Variants in IL7 observed in about 807,000 individuals in gnomAD.
IL7 encodes the protein interleukin-7.
IL7 carries 3 observed loss-of-function variants against 21.6 expected under a neutral mutation model. The ratio of observed to expected loss-of-function variants is 0.14; its 90% CI spans 0.06 to 0.36. The LOEUF (loss-of-function observed/expected upper bound fraction) is 0.36. Ranked by LOEUF, IL7 falls within the 10% of genes least tolerant of loss-of-function variation. The probability of loss-of-function intolerance (pLI) is 1.00; values close to 1 mark genes in which losing one functional copy is unlikely to be tolerated. For missense variants in IL7, 175 were observed against 200.2 expected, an observed-to-expected ratio of 0.87 and a Z score of 0.76; for synonymous variants, 62 against 68.1, an observed-to-expected ratio of 0.91 and a Z score of 0.44.
At chr8:78,791,416 G>A (rs1813690472) in intron 2 of IL7, among the ~76,000 whole-genome samples, 1 of 152,200 alleles carries the variant, frequency 6.6e-6, no homozygotes, top group Non-Finnish European at 1.5e-5. Flanking sequence ...GAAGCAGGCA[G>A]ATCACTTGAG....
intron 2 of IL7, among the ~76,000 whole-genome samples, chr8:78,791,536 A>T (rs1217830557): frequency 6.6e-6 from 1 of 152,204 alleles, no homozygotes; most frequent in Non-Finnish European, 1.5e-5. Flanking sequence ...GCTACTTGGT[A>T]GGCAGAAGCA....
chr8:78,721,760 G>A (rs1389169275), intron 3 of IL7, among the ~76,000 whole-genome samples: 2 of 151,604 alleles, frequency 1.3e-5, no homozygotes, highest in Non-Finnish European at 2.9e-5. Context: ...TGAAAAGGTC[G>A]ATTAAATTTA....
chr8:78,762,480 G>T (rs1812602261), intron 2 of IL7: 1 of 1,443,018 alleles, frequency 6.9e-7, no homozygotes, highest in Non-Finnish European at 9.2e-7. Flanking sequence ...CGCCTCCTCA[G>T]GGCAGTCCGC....
intron 3 of IL7, chr8:78,689,496 T>A (rs1463746449): frequency 1.2e-6 from 1 of 823,154 alleles, no homozygotes; most frequent in Non-Finnish European, 1.7e-6. Context: ...AGATATATAG[T>A]TTTATATATC....
intron 3 of IL7, among the ~76,000 whole-genome samples, chr8:78,710,901 G>T (rs2130601125): frequency 6.6e-6 from 1 of 152,114 alleles, no homozygotes; most frequent in South Asian, 2.1e-4. Context: ...GCTACTGAAA[G>T]AAGACAAAAA....
At chr8:78,784,131 G>A (rs1005485427) in intron 2 of IL7, among the ~76,000 whole-genome samples, 1 of 152,142 alleles carries the variant, frequency 6.6e-6, no homozygotes, top group Non-Finnish European at 1.5e-5. Context: ...ATGTGTTGTC[G>A]TTAGAAAGTG....
downstream of IL7, among the ~76,000 whole-genome samples, chr8:78,716,691 G>T (rs1017896447): frequency 6.6e-6 from 1 of 152,014 alleles, no homozygotes; most frequent in Non-Finnish European, 1.5e-5. Flanking sequence ...TAAATTCCTA[G>T]CACAAAGAAC....
intron 3 of IL7, chr8:78,698,397 T>C (rs1040699106): frequency 3.1e-6 from 5 of 1,591,584 alleles, no homozygotes; most frequent in Non-Finnish European, 4.3e-6. Flanking sequence ...TTAAAAATAA[T>C]GCTTTTTTAT....
In IL7 at chr8:78,763,841, A is replaced by AGG. The variant is rs1812661178; in HGVS notation, c.148-23760_148-23759insCC. Among the ~76,000 whole-genome samples, 3 of 152,236 alleles carry AGG rather than the reference A, an allele frequency of 2.0e-5. No homozygotes were observed. In the East Asian group the frequency reaches 5.8e-4, roughly 29 times the overall value. ...CAACTCATTCTATAAGGCCAGCATT[A>AGG]CCCTAATATCAAAAATCAAAGACAC... On this transcript the variant is annotated intron_variant, in intron 2 of 5. Transcript: ENST00000263851.
rs532849409 is a variant in IL7, at chr8:78,694,091, T to C, written n.215-8144A>G. ...TGCTCAGTTCTGTTCCATTGGTCTA[T>C]ATCTCTGTTTTGTGTTTTTAATTTC... is the stretch of plus-strand genomic sequence containing the variant. On this transcript the variant is annotated intron_variant and non_coding_transcript_variant, in intron 3 of 4. Transcript: ENST00000523959. Among the ~76,000 whole-genome samples the C allele has an allele frequency of 3.3e-5, 5 of 152,306 alleles. No homozygotes were observed. In the South Asian group the frequency reaches 1.0e-3, roughly 32 times the overall value.
intron 2 of IL7, among the ~76,000 whole-genome samples, chr8:78,789,613 T>A (rs960167695): frequency 2.0e-5 from 3 of 152,006 alleles, no homozygotes; most frequent in African/African-American, 7.3e-5. Flanking sequence ...AACTCAAGCA[T>A]CATTAAAAAG....
At chr8:78,778,733 T>A (rs1288866892) in intron 2 of IL7, among the ~76,000 whole-genome samples, 1 of 152,172 alleles carries the variant, frequency 6.6e-6, no homozygotes, top group Non-Finnish European at 1.5e-5. Context: ...ACTGGCTCTT[T>A]TCTGGGTCCA....
chr8:78,686,761 G>A (rs1809990151), intron 3 of IL7, among the ~76,000 whole-genome samples: 1 of 152,122 alleles, frequency 6.6e-6, no homozygotes, highest in South Asian at 2.1e-4. Flanking sequence ...TGGTAATCTA[G>A]TCATGTAGGC....
intron 3 of IL7, among the ~76,000 whole-genome samples, chr8:78,693,135 T>TG (rs1810270060): frequency 6.6e-6 from 1 of 152,186 alleles, no homozygotes; most frequent in Non-Finnish European, 1.5e-5. Context: ...CTATCATTGT[T>TG]GGACATTTGG....
At chr8:78,706,009 G>T (rs770691470) in intron 3 of IL7, among the ~76,000 whole-genome samples, 4 of 152,162 alleles carry the variant, frequency 2.6e-5, no homozygotes, top group Non-Finnish European at 5.9e-5. Flanking sequence ...TTGGGAACCT[G>T]CTTAACCAGC....
chr8:78,743,163 A>G (rs1811856406), intron 2 of IL7, among the ~76,000 whole-genome samples: 1 of 152,116 alleles, frequency 6.6e-6, no homozygotes, highest in South Asian at 2.1e-4. Context: ...GTTTGATTCC[A>G]TGTCTTTGCC....
chr8:78,739,940 C>CA (rs756401820), intron 3 of IL7, 62 bp downstream of exon 3: 1 of 1,415,598 alleles, frequency 7.1e-7, no homozygotes, highest in Non-Finnish European at 9.3e-7. Flanking sequence ...AACAGAGGCA[C>CA]AAAAAATAGA....
intron 2 of IL7, among the ~76,000 whole-genome samples, chr8:78,759,913 T>A (rs1254210046): frequency 6.6e-6 from 1 of 152,050 alleles, no homozygotes; most frequent in Non-Finnish European, 1.5e-5. Context: ...TCAACAGAGA[T>A]CACGCAAAAG....
intron 2 of IL7, among the ~76,000 whole-genome samples, chr8:78,783,384 A>T (rs1446024465): frequency 7.9e-5 from 12 of 151,856 alleles, no homozygotes; most frequent in African/African-American, 2.9e-4. Context: ...CCATTACTCC[A>T]CTCTGATTTC....
Sources: gnomAD v4.1 joint callset for allele counts (sites outside exome capture counted in the v4.1 genomes callset) on GRCh38, gnomAD v4.1.1 for gene constraint, MANE v1.5 for transcripts, NCBI Gene and HGNC (gene_info 2026-07-23, HGNC 2026-07-21) for gene names.